HYCC1: variants seen among roughly 807,000 people sequenced by gnomAD.
HYCC1 encodes hyccin.
the HYCC1 span, among the ~76,000 whole-genome samples, chr7:22,903,501 T>C: frequency 2.0e-5 from 3 of 152,272 alleles, no homozygotes; most frequent in East Asian, 1.9e-4. Context: ...ATAAAACTTA[T>C]CAAAATTGAC....
chr7:22,984,068 AT>A, the HYCC1 span: 1 of 1,407,298 alleles, frequency 7.1e-7, no homozygotes, highest in South Asian at 1.2e-5. Context: ...AAAAAAATAC[AT>A]TTTACTTTTA....
At chr7:23,008,158 C>T in the HYCC1 span, among the ~76,000 whole-genome samples, 1 of 151,982 alleles carries the variant, frequency 6.6e-6, no homozygotes, top group African/African-American at 2.4e-5. Flanking sequence ...TACTACAAAA[C>T]ACAATAAAAA....
chr7:22,961,081 A>G, the HYCC1 span, among the ~76,000 whole-genome samples: 12 of 152,320 alleles, frequency 7.9e-5, no homozygotes, highest in African/African-American at 2.9e-4. Flanking sequence ...ATTATTTGTT[A>G]CTTTTCTAAG....
the HYCC1 span, among the ~76,000 whole-genome samples, chr7:22,981,470 A>T: frequency 2.0e-5 from 3 of 152,224 alleles, no homozygotes; most frequent in South Asian, 6.2e-4. Flanking sequence ...TTAAAATGTT[A>T]AAGTAGATTA....
At chr7:22,918,110 C>A in the HYCC1 span, among the ~76,000 whole-genome samples, 1 of 152,008 alleles carries the variant, frequency 6.6e-6, no homozygotes, top group Non-Finnish European at 1.5e-5. Context: ...TGGTATATGA[C>A]AATATAAAAA....
chr7:22,947,494 TCA>T, the HYCC1 span, among the ~76,000 whole-genome samples: 1 of 152,114 alleles, frequency 6.6e-6, no homozygotes, highest in African/African-American at 2.4e-5. Flanking sequence ...CTGCATTTTT[TCA>T]CACACACATT....
the HYCC1 span, among the ~76,000 whole-genome samples, chr7:22,929,538 G>T: frequency 6.6e-6 from 1 of 152,158 alleles, no homozygotes; most frequent in African/African-American, 2.4e-5. Context: ...CCAAGGATAT[G>T]AACAGACACT....
At chr7:22,945,972 C>A in the HYCC1 span, 1 of 1,613,748 alleles carries the variant, frequency 6.2e-7, no homozygotes, top group East Asian at 2.2e-5. Flanking sequence ...CCTGTAGTTT[C>A]TTTTTCTTTT....
At chr7:23,000,728 G>C in the HYCC1 span, among the ~76,000 whole-genome samples, 2 of 152,092 alleles carry the variant, frequency 1.3e-5, no homozygotes, top group South Asian at 2.1e-4. Context: ...GCTGCAAGGA[G>C]AGACTTAATA....
the HYCC1 span, among the ~76,000 whole-genome samples, chr7:23,007,693 A>G: frequency 6.6e-6 from 1 of 152,168 alleles, no homozygotes; most frequent in Non-Finnish European, 1.5e-5. Context: ...CTAAAGATCA[A>G]TCTCATATAG....
chr7:22,929,513 G>T, the HYCC1 span, among the ~76,000 whole-genome samples: 4 of 151,814 alleles, frequency 2.6e-5, no homozygotes, highest in Admixed American at 2.0e-4. Context: ...ACAAACAACC[G>T]CATCAAAAAG....
At chr7:22,984,202 G>A in the HYCC1 span, among the ~76,000 whole-genome samples, 12 of 152,266 alleles carry the variant, frequency 7.9e-5, no homozygotes, top group African/African-American at 2.9e-4. Flanking sequence ...TGGGGTGATG[G>A]AAATGTGCTG....
chr7:22,948,525 T>C, the HYCC1 span, among the ~76,000 whole-genome samples: 1 of 152,086 alleles, frequency 6.6e-6, no homozygotes, highest in African/African-American at 2.4e-5. Context: ...AAGCCCCAGG[T>C]GACTAACGTG....
At chr7:23,006,822 C>T in the HYCC1 span, among the ~76,000 whole-genome samples, 1 of 152,292 alleles carries the variant, frequency 6.6e-6, no homozygotes, top group Non-Finnish European at 1.5e-5. Context: ...ACATATATCA[C>T]TTAACATTAC....
the HYCC1 span, among the ~76,000 whole-genome samples, chr7:22,952,965 G>C: frequency 6.6e-6 from 1 of 151,910 alleles, no homozygotes; most frequent in Non-Finnish European, 1.5e-5. Flanking sequence ...TCTGGAACAA[G>C]ACAATTTGTA....
the HYCC1 span, chr7:22,942,277 G>T: frequency 2.6e-5 from 4 of 152,108 alleles, no homozygotes; most frequent in Non-Finnish European, 4.4e-5. Context: ...AAAGAGCAAT[G>T]AAATATTGCT....
At chr7:23,009,570 C>G in the HYCC1 span, among the ~76,000 whole-genome samples, 4 of 152,122 alleles carry the variant, frequency 2.6e-5, no homozygotes, top group Admixed American at 1.3e-4. Context: ...AGCCAAGAGT[C>G]AAGGCTGAGG....
the HYCC1 span, chr7:22,937,261 T>C: frequency 7.1e-6 from 1 of 140,434 alleles, no homozygotes; most frequent in African/African-American, 2.4e-5. Context: ...GTAGTGGATC[T>C]AGGATACAAA....
the HYCC1 span, among the ~76,000 whole-genome samples, chr7:22,968,793 C>G: frequency 2.0e-5 from 3 of 152,126 alleles, no homozygotes; most frequent in Non-Finnish European, 4.4e-5. Context: ...CAAGACCAGC[C>G]TGGCCAACAT....
Sources: allele counts gnomAD v4.1 joint callset (sites outside exome capture counted in the v4.1 genomes callset), GRCh38; gene constraint gnomAD v4.1.1; transcripts MANE v1.5; gene names NCBI Gene and HGNC (gene_info 2026-07-23, HGNC 2026-07-21).